NRG4: variants seen among roughly 807,000 people sequenced by gnomAD.
NRG4 encodes neuregulin 4.
In NRG4, 10 loss-of-function variants were observed where a neutral mutation model predicts 15.0. The observed-to-expected ratio is 0.67, with a 90% CI of 0.41 to 1.13. NRG4 has a LOEUF of 1.13. NRG4 is among the 50% of genes most tolerant of loss of function. The pLI is 0.00. For missense variants in NRG4, 139 were observed against 140.2 expected (o/e 0.99, Z 0.04); for synonymous variants, 41 against 50.1 (o/e 0.82, Z 0.77).
chr15:76,048,544 A>G (rs1029102460), intron 4 of NRG4, among the ~76,000 whole-genome samples: 25 of 150,618 alleles, frequency 1.7e-4, no homozygotes, highest in African/African-American at 5.5e-4. Context: ...ACATGGCAAT[A>G]CCAAACTTTC....
chr15:76,050,908 C>T (rs979405164), intron 4 of NRG4, among the ~76,000 whole-genome samples: 1 of 150,066 alleles, frequency 6.7e-6, no homozygotes, highest in Non-Finnish European at 1.5e-5. Context: ...TGGGCTCACG[C>T]TATCCTCCCA....
chr15:75,981,063 CTT>C (rs2033588866), intron 3 of NRG4, among the ~76,000 whole-genome samples: 4 of 152,174 alleles, frequency 2.6e-5, no homozygotes, highest in Admixed American at 2.6e-4. Context: ...GCCACAAATT[CTT>C]TGTCACTCCT....
At chr15:75,989,729 C>A (rs893184559) in intron 3 of NRG4, among the ~76,000 whole-genome samples, 13 of 152,118 alleles carry the variant, frequency 8.5e-5, no homozygotes, top group African/African-American at 2.9e-4. Context: ...CTAATTCCAT[C>A]ATTGCTGACA....
intron 5 of NRG4, among the ~76,000 whole-genome samples, chr15:76,018,575 A>C (rs1287389717): frequency 1.3e-5 from 2 of 152,206 alleles, no homozygotes; most frequent in Non-Finnish European, 2.9e-5. Context: ...TCCATCTAAC[A>C]GTCAAGCCTC....
At chr15:75,943,830 A>G (rs1376413247) in intron 5 of NRG4, among the ~76,000 whole-genome samples, 176 bp from the exon 6 acceptor site, 2 of 152,136 alleles carry the variant, frequency 1.3e-5, no homozygotes, top group East Asian at 3.9e-4. Context: ...CAGCCTGACA[A>G]GACTCCTCAG....
chr15:75,982,641 C>T (rs932035249), intron 3 of NRG4, among the ~76,000 whole-genome samples: 1 of 152,202 alleles, frequency 6.6e-6, no homozygotes, highest in Non-Finnish European at 1.5e-5. Context: ...GGAGGAAGTA[C>T]AAGTAAATTC....
chr15:75,966,470 C>T (rs1167830997), intron 3 of NRG4, among the ~76,000 whole-genome samples: 1 of 152,092 alleles, frequency 6.6e-6, no homozygotes, highest in East Asian at 1.9e-4. Flanking sequence ...CACTGAAACA[C>T]ACTATACAAG....
intron 4 of NRG4, among the ~76,000 whole-genome samples, chr15:75,961,513 A>G (rs1330301786): frequency 7.2e-5 from 11 of 152,186 alleles, no homozygotes; most frequent in Non-Finnish European, 1.3e-4. Context: ...TTTCTTTCAC[A>G]TACAAAATTT....
intron 5 of NRG4, among the ~76,000 whole-genome samples, chr15:76,017,786 A>T (rs2035029908): frequency 6.6e-6 from 1 of 151,866 alleles, no homozygotes; most frequent in African/African-American, 2.4e-5. Flanking sequence ...ACCTTGGTGA[A>T]TCTGACAATT....
At chr15:75,946,439 G>A (rs1011148324) in intron 5 of NRG4, among the ~76,000 whole-genome samples, 4 of 152,086 alleles carry the variant, frequency 2.6e-5, no homozygotes, top group Non-Finnish European at 5.9e-5. Flanking sequence ...CTCACTGCAA[G>A]CTCCGCCTCC....
chr15:76,011,258 G>A lies in NRG4; in HGVS notation c.-28C>T, dbSNP rs767963137. 2 of 1,438,778 alleles carry A rather than the reference G, an allele frequency of 1.4e-6. No homozygotes were observed. Among genetic ancestry groups the A allele is most frequent in the Admixed American group, 2.3e-5 (1 of 42,634 alleles). 89.1% of individuals were successfully genotyped at this position (1,438,778 alleles called of 1,614,324 possible). On this transcript the variant is annotated 5_prime_UTR_variant, in exon 2 of 6. Coordinates refer to ENST00000394907, the MANE Select transcript of NRG4 (RefSeq NM_138573.4). ...TAATTTGTAAATAGTTTCATTCTTG[G>A]TCAAGAGAGTAGGGTTGAAAAACAG...
rs984876914 is a variant in NRG4, at chr15:75,942,269, G to GACAT, written c.*1365_*1368dup. The GACAT allele has an allele frequency of 4.6e-5, 7 of 152,022 alleles. No individual in the cohort carries two copies. The highest frequency in any genetic ancestry group is 1.7e-4 in the African/African-American group (7 of 41,390). 9.4% of individuals were successfully genotyped at this position (152,022 alleles called of 1,614,324 possible). ...TTATATATTGGTCAAAATCCATAAA[G>GACAT]ACATACAACAAAAAGAGGACCCTTC... On this transcript the variant is annotated 3_prime_UTR_variant, in exon 6 of 6. Transcript: ENST00000394907.
chr15:76,025,526 T>C lies in NRG4; in HGVS notation c.-57+10418A>G, dbSNP rs150107729. On this transcript the variant is annotated intron_variant, in intron 5 of 8. Coordinates refer to the NRG4 transcript ENST00000563910. ...AAATTCAATAAAGAAATAGATATCA[T>C]AAAAAAGAATCAAACAGAAATCCTG... Among the ~76,000 whole-genome samples the C allele has an allele frequency of 1.6e-3, 241 of 152,024 alleles. 1 individual carries two copies. Among genetic ancestry groups the C allele is most frequent in the Non-Finnish European group, 6.0e-4 (41 of 67,972 alleles).
At chr15:75,979,143 A>C (rs894960349) in intron 3 of NRG4, among the ~76,000 whole-genome samples, 11 of 152,206 alleles carry the variant, frequency 7.2e-5, no homozygotes, top group Non-Finnish European at 1.0e-4. Flanking sequence ...CCATTTATCT[A>C]TGTTTGCTTT....
chr15:76,048,553 T>C lies in NRG4; in HGVS notation c.-105+3514A>G, dbSNP rs997038486. ...ACTGCCACATGGCAATACCAAACTT[T>C]CCATTCTTTGCTGCCAGAAATAGTC... On this transcript the variant is annotated intron_variant, in intron 4 of 8. Coordinates refer to the NRG4 transcript ENST00000563910. Among the ~76,000 whole-genome samples the C allele has an allele frequency of 2.7e-5, 4 of 150,636 alleles. No individual in the cohort carries two copies. In the South Asian group the frequency reaches 6.2e-4, roughly 24 times the overall value.
At chr15:75,978,096 C>T (rs1319671495) in intron 3 of NRG4, among the ~76,000 whole-genome samples, 1 of 152,122 alleles carries the variant, frequency 6.6e-6, no homozygotes, top group African/African-American at 2.4e-5. Flanking sequence ...GGATTACAGG[C>T]ATGAGCTACC....
chr15:75,955,792 C>CCA, intron 5 of NRG4, 140 bp downstream of exon 5: 1 of 300,650 alleles, frequency 3.3e-6, no homozygotes, highest in South Asian at 5.9e-5. Flanking sequence ...GGTACCTGGC[C>CCA]AAAAAAAAAA....
In NRG4 at chr15:76,018,654, G is replaced by A. The variant is rs565983568; in HGVS notation, c.-56-7368C>T. Among the ~76,000 whole-genome samples the A allele has an allele frequency of 5.3e-5, 8 of 152,286 alleles. No homozygotes were observed. In the South Asian group the frequency reaches 6.2e-4, roughly 12 times the overall value. The stretch of plus-strand genomic sequence containing the variant: ...CCCTGTTTGTCTGGGTATCACCAGC[G>A]GAGGCTGCAGAACAGTAAAGATTGC... On this transcript the variant is annotated intron_variant, in intron 5 of 8. Transcript: ENST00000563910.
chr15:76,011,469 AT>A (rs1275015083), intron 1 of NRG4, among the ~76,000 whole-genome samples, 183 bp from the exon 2 acceptor site: 2 of 152,202 alleles, frequency 1.3e-5, no homozygotes, highest in African/African-American at 4.8e-5. Context: ...TCAGTAAAAA[AT>A]ATGAACAAAA....
Sources: allele counts gnomAD v4.1 joint callset (sites outside exome capture counted in the v4.1 genomes callset), GRCh38; gene constraint gnomAD v4.1.1; transcripts MANE v1.5; gene names NCBI Gene and HGNC (gene_info 2026-07-23, HGNC 2026-07-21).